The following ELP6 variants were observed in gnomAD, a reference collection of about 807,000 sequenced individuals.
ELP6 encodes the protein elongator acetyltransferase complex subunit 6.
In ELP6, 23 loss-of-function variants were observed where a neutral mutation model predicts 28.1. The ratio of observed to expected loss-of-function variants is 0.82; its 90% CI spans 0.59 to 1.16. The LOEUF is 1.16. Among genes scored for constraint, ELP6 ranks in the 50% most tolerant of loss-of-function variants. ELP6 has a pLI of 0.00. For synonymous variants in ELP6, 132 were observed against 135.8 expected (o/e 0.97, Z 0.19); for missense variants, 313 against 334.6 (o/e 0.94, Z 0.50).
intron 1 of ELP6, chr3:47,512,789 G>A (rs1326022952): frequency 2.1e-6 from 2 of 931,478 alleles, no homozygotes; most frequent in African/African-American, 1.8e-5. Context: ...AATACAATGT[G>A]CCAATTGCTC....
At chr3:47,512,760 A>T (rs1709051351) in intron 1 of ELP6, 1 of 954,618 alleles carries the variant, frequency 1.0e-6, no homozygotes, top group Non-Finnish European at 1.2e-6. Context: ...GAGGAAGAGT[A>T]AGAAGAACAG....
At chr3:47,498,836 G>A (rs954960697) in intron 5 of ELP6, 5 of 384,788 alleles carry the variant, frequency 1.3e-5, no homozygotes, top group Non-Finnish European at 1.8e-5. Context: ...GGGCCCAGGA[G>A]ACAGACAGAT....
chr3:47,501,055 CTAT>C (rs1708634662), intron 5 of ELP6, among the ~76,000 whole-genome samples: 1 of 152,084 alleles, frequency 6.6e-6, no homozygotes, highest in African/African-American at 2.4e-5. Context: ...ATTGATTGGC[CTAT>C]TATTATTGTT....
chr3:47,500,869 T>C (rs147783498), intron 5 of ELP6, among the ~76,000 whole-genome samples: 2 of 152,322 alleles, frequency 1.3e-5, no homozygotes, highest in East Asian at 3.9e-4. Context: ...CATTGCTCTG[T>C]ACGCTCAGTC....
chr3:47,498,605 T>C (rs1708549042), intron 5 of ELP6, 173 bp from the exon 6 acceptor site: 1 of 985,398 alleles, frequency 1.0e-6, no homozygotes, highest in Non-Finnish European at 1.2e-6. Flanking sequence ...TCCAGTCACC[T>C]ACTGGACAAC....
intron 1 of ELP6, chr3:47,513,204 C>G (rs776153949): frequency 8.9e-6 from 10 of 1,120,210 alleles, no homozygotes; most frequent in Non-Finnish European, 1.1e-5. Flanking sequence ...CTTGGCCAGA[C>G]TTGTCTCGAA....
intron 6 of ELP6, chr3:47,497,160 CA>C (rs974230985): frequency 1.0e-5 from 10 of 985,126 alleles, no homozygotes; most frequent in African/African-American, 1.7e-5. Context: ...GGAGTGGTTC[CA>C]GAAGAGAAGT....
chr3:47,501,886 T>A (rs1351089226), intron 4 of ELP6, 35 bp from the exon 5 acceptor site: 14 of 1,586,070 alleles, frequency 8.8e-6, no homozygotes, highest in Non-Finnish European at 1.2e-5. Context: ...CAGACTTCAC[T>A]CTCTCTACAG....
chr3:47,511,392 AT>A, intron 1 of ELP6, 166 bp from the exon 2 acceptor site: 1 of 1,416,036 alleles, frequency 7.1e-7, no homozygotes, highest in Non-Finnish European at 9.2e-7. Flanking sequence ...ATAAGTCAAA[AT>A]TATGGAAAAT....
chr3:47,512,261 G>A (rs950405484), intron 1 of ELP6: 1 of 177,740 alleles, frequency 5.6e-6, no homozygotes, highest in Non-Finnish European at 1.1e-5. Context: ...CAGGCTGGGC[G>A]TGGTGGCTCA....
intron 3 of ELP6, among the ~76,000 whole-genome samples, chr3:47,505,601 C>T (rs1226061481): frequency 1.3e-5 from 2 of 151,948 alleles, no homozygotes; most frequent in Non-Finnish European, 2.9e-5. Flanking sequence ...GATGGAGTTT[C>T]GCTCTTGTCG....
intron 5 of ELP6, among the ~76,000 whole-genome samples, chr3:47,501,159 A>G (rs1368795970): frequency 6.6e-6 from 1 of 152,172 alleles, no homozygotes; most frequent in Non-Finnish European, 1.5e-5. Flanking sequence ...CTCTGTTCCC[A>G]CTGCTGTATT....
chr3:47,503,435 T>G, intron 4 of ELP6: 1 of 1,289,362 alleles, frequency 7.8e-7, no homozygotes, highest in Non-Finnish European at 1.0e-6. Context: ...AGGGGAAAAA[T>G]TTTTTCTTAA....
Position 47,510,221 on chromosome 3 carries a change from T to G in ELP6, c.167A>C (p.Gln56Pro). Reference sequence around the variant, plus strand: ...CACGATACTGTAGTGGCTGAAGGACTGGATGAGTGCCACAAAGCAGACTTT... The same window carrying G: ...CACGATACTGTAGTGGCTGAAGGACGGGATGAGTGCCACAAAGCAGACTTT... ...NCKVCFVALI[Q>P]SFSHYSIVGQ... is the part of the protein sequence containing the mutation. Residue 56 changes from glutamine to proline, a missense_variant, in exon 3 of 7, where the codon CAG (glutamine) becomes CCG (proline). Gln to Pro is a moderately conservative substitution (Grantham distance 76). Coordinates refer to ENST00000296149, the MANE Select transcript of ELP6 (RefSeq NM_001031703.3). The G allele has an allele frequency of 6.2e-7, 1 of 1,614,104 alleles. No individual in the cohort carries two copies. Among genetic ancestry groups the G allele is most frequent in the Non-Finnish European group, 8.5e-7 (1 of 1,179,958 alleles).
chr3:47,501,270 T>C (rs1253503051), intron 5 of ELP6, among the ~76,000 whole-genome samples: 1 of 152,212 alleles, frequency 6.6e-6, no homozygotes, highest in East Asian at 1.9e-4. Flanking sequence ...TAATATTGTA[T>C]ATCCTATACT....
intron 6 of ELP6, chr3:47,496,915 G>A (rs1708495584): frequency 2.0e-6 from 2 of 985,284 alleles, no homozygotes; most frequent in East Asian, 1.1e-4. Flanking sequence ...TTTTGATGGT[G>A]TTACTGCTGA....
chr3:47,513,415 C>T (rs2029960812), intron 1 of ELP6, 122 bp downstream of exon 1: 1 of 1,491,046 alleles, frequency 6.7e-7, no homozygotes, highest in East Asian at 2.5e-5. Context: ...CGGACTACAA[C>T]TCCCAGGTAC....
intron 4 of ELP6, among the ~76,000 whole-genome samples, chr3:47,502,054 A>G (rs574833662): frequency 6.6e-6 from 1 of 152,286 alleles, no homozygotes; most frequent in East Asian, 1.9e-4. Context: ...CCTACTAGGT[A>G]TAAAGCACTG....
Position 47,511,177 on chromosome 3 carries a change from A to G in ELP6, c.104T>C (p.Val35Ala), listed in dbSNP as rs778563813. The change falls in exon 2 of 7, where the codon GTA becomes GCA. Residue 35 changes from valine to alanine, a missense_variant. Transcript: ENST00000296149. ...CDAKTDGSFLVHHFLSFYLKA... is the reference protein window; with the variant it reads ...CDAKTDGSFLAHHFLSFYLKA... ...GAGATAGAAGGAGAGAAAGTGGTGT[A>G]CAAGGAAACTCCCATCTGTCTTGGC... 3.8e-5 allele frequency: 62 copies of G among 1,614,012 alleles called. No individual in the cohort carries two copies. Among genetic ancestry groups the G allele is most frequent in the Non-Finnish European group, 5.2e-5 (61 of 1,179,988 alleles).
Sources: gnomAD v4.1 joint callset for allele counts (sites outside exome capture counted in the v4.1 genomes callset) on GRCh38, gnomAD v4.1.1 for gene constraint, MANE v1.5 for transcripts, NCBI Gene and HGNC (gene_info 2026-07-23, HGNC 2026-07-21) for gene names.